The following PTPN4 variants were observed in gnomAD, a reference collection of about 807,000 sequenced individuals.
PTPN4 encodes the protein protein tyrosine phosphatase non-receptor type 4.
A neutral mutation model predicts 135.5 loss-of-function variants in PTPN4; 49 were observed. The ratio of observed to expected loss-of-function variants is 0.36; its 90% CI spans 0.29 to 0.46. The LOEUF is 0.46. Ranked by LOEUF, PTPN4 falls within the 20% of genes least tolerant of loss-of-function variation. PTPN4 has a pLI of 1.00. For missense variants in PTPN4, 860 were observed against 1,101.0 expected (o/e 0.78, Z 3.10); for synonymous variants, 333 against 369.9 (o/e 0.90, Z 1.14).
intron 8 of PTPN4, among the ~76,000 whole-genome samples, chr2:119,885,282 G>GT (rs963718108): frequency 3.6e-4 from 55 of 152,042 alleles, no homozygotes; most frequent in African/African-American, 1.3e-3. Context: ...TTTTTGTTTT[G>GT]TTTTTTTGCT....
At chr2:119,805,709 T>C (rs190020195) in intron 1 of PTPN4, among the ~76,000 whole-genome samples, 2 of 152,330 alleles carry the variant, frequency 1.3e-5, no homozygotes, top group East Asian at 3.9e-4. Context: ...TGAAGTCAGA[T>C]AGTGTGATGC....
intron 5 of PTPN4, among the ~76,000 whole-genome samples, chr2:119,880,670 G>T (rs1678058143): frequency 6.6e-6 from 1 of 151,368 alleles, no homozygotes. Context: ...TCGATCTCCT[G>T]ACCTTGTGAT....
At position 119,960,874 on chromosome 2, in the gene PTPN4, G is replaced by A; in HGVS notation, c.2201G>A (p.Cys734Tyr). 1 of 1,613,922 alleles carries A rather than the reference G, an allele frequency of 6.2e-7. No homozygotes were observed. Among genetic ancestry groups the A allele is most frequent in the Non-Finnish European group, 8.5e-7 (1 of 1,179,938 alleles). ...IACQGPLPHTCTDFWQMTWEQ... is the reference protein window; with the variant it reads ...IACQGPLPHTYTDFWQMTWEQ... The stretch of plus-strand genomic sequence containing the variant: ...TGTCAAGGGCCATTACCACACACTT[G>A]TACAGATTTTTGGCAGATGACTTGG... Residue 734 changes from cysteine to tyrosine, a missense_variant, in exon 23 of 27, where the codon TGT becomes TAT. By Grantham distance (194) the Cys-to-Tyr change is radical. This residue lies in a region of PTPN4 where 176 missense variants were observed against 294.1 expected (regional missense o/e 0.60). Transcript: ENST00000263708.
At chr2:119,843,329 C>T (rs1294653361) in intron 2 of PTPN4, among the ~76,000 whole-genome samples, 1 of 143,874 alleles carries the variant, frequency 7.0e-6, no homozygotes, top group Non-Finnish European at 1.5e-5. Flanking sequence ...TCAACAGGAT[C>T]CCAAGGCAGA....
chr2:119,797,653 C>A (rs1210626904), intron 1 of PTPN4, among the ~76,000 whole-genome samples: 2 of 152,164 alleles, frequency 1.3e-5, no homozygotes, highest in African/African-American at 4.8e-5. Flanking sequence ...ATGGTCATGT[C>A]ATTTGTCTTC....
chr2:119,882,744 A>G (rs1206773111), intron 8 of PTPN4, 121 bp downstream of exon 8: 10 of 849,684 alleles, frequency 1.2e-5, no homozygotes, highest in Non-Finnish European at 1.7e-6. Flanking sequence ...ACCTAAAATA[A>G]TATTATCATA....
At chr2:119,906,779 C>A (rs773101228) in intron 10 of PTPN4, among the ~76,000 whole-genome samples, 1 of 152,124 alleles carries the variant, frequency 6.6e-6, no homozygotes, top group East Asian at 1.9e-4. Flanking sequence ...CCACGCTGAC[C>A]ACTCTTATTC....
intron 3 of PTPN4, among the ~76,000 whole-genome samples, chr2:119,864,306 T>G (rs926428056): frequency 6.6e-6 from 1 of 152,076 alleles, no homozygotes; most frequent in Non-Finnish European, 1.5e-5. Flanking sequence ...GTGACTGCTG[T>G]TACTTTTTAA....
intron 10 of PTPN4, among the ~76,000 whole-genome samples, chr2:119,903,970 G>A (rs913807948): frequency 1.3e-5 from 2 of 152,156 alleles, no homozygotes; most frequent in African/African-American, 4.8e-5. Flanking sequence ...CAAAGCCAAA[G>A]CACCCTATCC....
At chr2:119,866,852 A>T (rs977628331) in intron 3 of PTPN4, among the ~76,000 whole-genome samples, 2 of 152,090 alleles carry the variant, frequency 1.3e-5, no homozygotes, top group Non-Finnish European at 2.9e-5. Context: ...TTATCTATTC[A>T]TATGTTTCCA....
In PTPN4 at chr2:119,962,663, T is replaced by C. The variant is rs1307747719; in HGVS notation, c.2328T>C (p.Tyr776=). ...YWPEPTGSSS[Y]GCYQVTCHSE... is the part of the protein sequence containing the mutation. ...CAGAACCCACAGGCAGTTCATCTTATGGATGCTACCAAGTTACCTGCCACT... is the reference window on the plus strand; with the variant it reads ...CAGAACCCACAGGCAGTTCATCTTACGGATGCTACCAAGTTACCTGCCACT... The change falls in exon 24 of 27, where the codon TAT becomes TAC. Residue 776 remains tyrosine (Y), a synonymous_variant. Transcript: ENST00000263708. The C allele has an allele frequency of 1.9e-6, 3 of 1,586,168 alleles. No individual in the cohort carries two copies. The highest frequency in any genetic ancestry group is 2.6e-6 in the Non-Finnish European group (3 of 1,160,236).
chr2:119,764,697 TAAAA>T (rs927537930), intron 1 of PTPN4, among the ~76,000 whole-genome samples: 5 of 152,104 alleles, frequency 3.3e-5, no homozygotes, highest in African/African-American at 1.2e-4. Flanking sequence ...TTTCTTAGGT[TAAAA>T]AAATTAAAAT....
chr2:119,980,859 A>G lies in PTPN4; in HGVS notation c.*3789A>G, dbSNP rs953812492. 6.6e-6 allele frequency: 1 copy of G among 152,028 alleles called. No homozygotes were observed. The highest frequency in any genetic ancestry group is 2.4e-5 in the African/African-American group (1 of 41,410). 9.4% of individuals were successfully genotyped at this position (152,028 alleles called of 1,614,324 possible). ...ATTATAGACTGCAGTTAGAAGACTAATTTTTTAAAAGCACTCAAAACATAG... is the reference window on the plus strand; with the variant it reads ...ATTATAGACTGCAGTTAGAAGACTAGTTTTTTAAAAGCACTCAAAACATAG... On this transcript the variant is annotated 3_prime_UTR_variant, in exon 27 of 27. Coordinates refer to ENST00000263708, the MANE Select transcript of PTPN4 (RefSeq NM_002830.4).
intron 1 of PTPN4, among the ~76,000 whole-genome samples, chr2:119,795,811 C>G (rs760532744): frequency 6.6e-6 from 1 of 152,242 alleles, no homozygotes; most frequent in Non-Finnish European, 1.5e-5. Context: ...CCTTGGGGCC[C>G]TCTATCCCCA....
intron 3 of PTPN4, among the ~76,000 whole-genome samples, chr2:119,863,537 AC>A (rs1677790397): frequency 6.6e-6 from 1 of 152,278 alleles, no homozygotes; most frequent in Admixed American, 6.5e-5. Flanking sequence ...TATAGAAAAT[AC>A]AAATAATGTT....
chr2:119,844,420 G>A (rs1230783647), intron 2 of PTPN4, among the ~76,000 whole-genome samples: 4 of 150,030 alleles, frequency 2.7e-5, no homozygotes, highest in Non-Finnish European at 5.9e-5. Flanking sequence ...CCCAGATGGG[G>A]TGGCTGCTGG....
intron 3 of PTPN4, 95 bp downstream of exon 3, chr2:119,862,738 TGA>T (rs1322528915): frequency 2.0e-6 from 2 of 983,644 alleles, no homozygotes; most frequent in Non-Finnish European, 2.9e-6. Flanking sequence ...ACTGATTTGA[TGA>T]GTTTTTTTTT....
intron 2 of PTPN4, among the ~76,000 whole-genome samples, chr2:119,856,377 C>T (rs771369210): frequency 1.1e-4 from 16 of 152,158 alleles, no homozygotes; most frequent in Admixed American, 4.6e-4. Flanking sequence ...CAACTTTTAC[C>T]AGCCTGAGGG....
intron 10 of PTPN4, among the ~76,000 whole-genome samples, chr2:119,914,669 G>A (rs1444283969): frequency 1.3e-5 from 2 of 152,182 alleles, no homozygotes; most frequent in Middle Eastern, 3.4e-3. Context: ...TGTGTTTACT[G>A]TGTTACTTAT....
Sources: gnomAD v4.1 joint callset for allele counts (sites outside exome capture counted in the v4.1 genomes callset) on GRCh38, gnomAD v4.1.1 for gene constraint, gnomAD v4.1.1 regional missense constraint, MANE v1.5 for transcripts, NCBI Gene and HGNC (gene_info 2026-07-23, HGNC 2026-07-21) for gene names.